NR1H4: variants seen among roughly 807,000 people sequenced by gnomAD.
NR1H4 encodes nuclear receptor subfamily 1 group H member 4.
Under a neutral mutation model 58.5 loss-of-function variants are expected in NR1H4, and 23 were observed. The observed-to-expected ratio is 0.39, with a 90% confidence interval of 0.28 to 0.56. The LOEUF is 0.56. NR1H4 is among the 20% of genes least tolerant of loss of function. NR1H4 has a pLI of 0.58. For missense variants in NR1H4, 487 were observed against 576.9 expected (o/e 0.84, Z 1.60); for synonymous variants, 214 against 198.0 (o/e 1.08, Z -0.68).
intron 9 of NR1H4, among the ~76,000 whole-genome samples, chr12:100,554,227 G>A (rs1173584286): frequency 6.6e-6 from 1 of 152,198 alleles, no homozygotes. Context: ...CTGTGCTATG[G>A]AGTGATGTCA....
At chr12:100,505,815 C>T (rs1416060461) in intron 3 of NR1H4, 3 of 486,164 alleles carry the variant, frequency 6.2e-6, no homozygotes, top group African/African-American at 5.9e-5. Context: ...ACTACCTCTA[C>T]TCCCTCCACA....
At chr12:100,511,243 A>G (rs1488124538) in intron 4 of NR1H4, 100 bp downstream of exon 4, 49 of 1,484,348 alleles carry the variant, frequency 3.3e-5, no homozygotes, top group Non-Finnish European at 3.3e-5. Context: ...GCAACTTCCC[A>G]TTTTCTCCTC....
rs766616286 is a variant in NR1H4, at chr12:100,549,061, G to A, written c.1078+8243G>A. On this transcript the variant is annotated intron_variant, in intron 9 of 10. Transcript: ENST00000392986. ...TTTTGGTAAAAACACATTCCAGGCC[G>A]GGCACAGTGGCTCACACCTGTAATC... is the stretch of plus-strand genomic sequence containing the variant. Among the ~76,000 whole-genome samples, 12 of 152,030 alleles carry A rather than the reference G, an allele frequency of 7.9e-5. 1 individual carries two copies. The East Asian group carries it at 9.7e-4, about 12-fold the overall frequency.
intron 4 of NR1H4, among the ~76,000 whole-genome samples, chr12:100,525,863 G>A (rs1163819413): frequency 6.6e-6 from 1 of 152,154 alleles, no homozygotes; most frequent in Non-Finnish European, 1.5e-5. Context: ...TTTTGGTAGG[G>A]TATGTCTTTC....
At chr12:100,541,221 A>G (rs1198541824) in intron 9 of NR1H4, among the ~76,000 whole-genome samples, 1 of 152,108 alleles carries the variant, frequency 6.6e-6, no homozygotes, top group South Asian at 2.1e-4. Context: ...ATAAGAAGAC[A>G]TTTTAATAGC....
chr12:100,533,887 T>G (rs1297994903), intron 5 of NR1H4, among the ~76,000 whole-genome samples: 2 of 150,648 alleles, frequency 1.3e-5, no homozygotes, highest in Admixed American at 6.6e-5. Context: ...TTTTAATAGC[T>G]CTCTTTTTTT....
chr12:100,541,816 T>C (rs1954942801), intron 9 of NR1H4, among the ~76,000 whole-genome samples: 1 of 151,630 alleles, frequency 6.6e-6, no homozygotes, highest in South Asian at 2.1e-4. Context: ...AGGCTGGTCT[T>C]GGACTCCTGG....
chr12:100,537,229 A>G (rs113218175), intron 8 of NR1H4, among the ~76,000 whole-genome samples, 182 bp downstream of exon 8: 1 of 152,244 alleles, frequency 6.6e-6, no homozygotes, highest in African/African-American at 2.4e-5. Flanking sequence ...ATTCTCTACA[A>G]TAGTCTTGTG....
At chr12:100,545,641 C>CA (rs35404680) in intron 9 of NR1H4, among the ~76,000 whole-genome samples, 989 of 7,788 alleles carry the variant, frequency 0.13, 214 homozygotes, top group East Asian at 0.28. Context: ...GACCTTGTCT[C>CA]AAAAAAAAAA....
intron 4 of NR1H4, among the ~76,000 whole-genome samples, chr12:100,512,009 G>A (rs990731285): frequency 5.9e-5 from 9 of 152,058 alleles, no homozygotes; most frequent in Non-Finnish European, 1.0e-4. Context: ...GAGGTGGGTG[G>A]ATCGCTTGAG....
chr12:100,481,588 A>AC (rs1953381510), intron 1 of NR1H4, among the ~76,000 whole-genome samples: 1 of 152,084 alleles, frequency 6.6e-6, no homozygotes, highest in African/African-American at 2.4e-5. Context: ...AGCCTGGGCA[A>AC]CATGGTGAAA....
intron 9 of NR1H4, 134 bp downstream of exon 9, chr12:100,540,952 A>C: frequency 1.2e-6 from 1 of 854,798 alleles, no homozygotes; most frequent in Non-Finnish European, 1.9e-6. Flanking sequence ...TGGCTCTAAA[A>C]AGATATGTGT....
At chr12:100,479,508 T>A (rs1285413481) in intron 1 of NR1H4, among the ~76,000 whole-genome samples, 1 of 152,240 alleles carries the variant, frequency 6.6e-6, no homozygotes, top group Non-Finnish European at 1.5e-5. Context: ...TTAGGGTTGC[T>A]CAGAACACAG....
At chr12:100,531,372 A>T (rs1954688453) in intron 4 of NR1H4, among the ~76,000 whole-genome samples, 1 of 152,098 alleles carries the variant, frequency 6.6e-6, no homozygotes, top group South Asian at 2.1e-4. Context: ...AGGAGAATCC[A>T]TTGAACCTGG....
At chr12:100,561,675 T>A (rs1010886472) in intron 9 of NR1H4, among the ~76,000 whole-genome samples, 2 of 152,188 alleles carry the variant, frequency 1.3e-5, no homozygotes, top group African/African-American at 4.8e-5. Flanking sequence ...CTCATTACAC[T>A]CATTGTTTTG....
At chr12:100,496,211 T>C (rs1227374058) in intron 3 of NR1H4, among the ~76,000 whole-genome samples, 1 of 145,100 alleles carries the variant, frequency 6.9e-6, no homozygotes, top group Non-Finnish European at 1.5e-5. Context: ...AATAAACTTG[T>C]AAGTAAATCA....
In NR1H4 at chr12:100,557,084, G is replaced by A. The variant is rs145004651; in HGVS notation, c.1079-4801G>A. Among the ~76,000 whole-genome samples, 122 of 152,062 alleles carry A rather than the reference G, an allele frequency of 8.0e-4. 3 individuals carry two copies. In the East Asian group the frequency reaches 0.017, roughly 22 times the overall value. ...CATGTGCAGGTTTGTTACATGGTGC[G>A]TTAGTCTGTTTTGCATTGCTATAAA... On this transcript the variant is annotated intron_variant, in intron 9 of 10. Coordinates refer to ENST00000392986, the MANE Select transcript of NR1H4 (RefSeq NM_001206979.2).
chr12:100,480,237 C>T (rs1182405157), intron 1 of NR1H4, among the ~76,000 whole-genome samples: 5 of 152,138 alleles, frequency 3.3e-5, no homozygotes, highest in African/African-American at 1.2e-4. Flanking sequence ...GTTTTTCTTG[C>T]CTGACTTTTC....
At chr12:100,489,301 T>C (rs1379321042) in intron 1 of NR1H4, among the ~76,000 whole-genome samples, 1 of 152,202 alleles carries the variant, frequency 6.6e-6, no homozygotes, top group Non-Finnish European at 1.5e-5. Flanking sequence ...CTGTTCTTTG[T>C]TTCAGGCAGG....
Sources: allele counts gnomAD v4.1 joint callset (sites outside exome capture counted in the v4.1 genomes callset), GRCh38; gene constraint gnomAD v4.1.1; transcripts MANE v1.5; gene names NCBI Gene and HGNC (gene_info 2026-07-23, HGNC 2026-07-21).